C2CD3: variants seen among roughly 807,000 people sequenced by gnomAD.
The protein encoded by C2CD3 is C2 domain-containing protein 3.
Under a neutral mutation model 234.0 loss-of-function variants are expected in C2CD3, and 148 were observed. That is an observed-to-expected ratio of 0.63 (90% CI 0.55 to 0.72). C2CD3 has a LOEUF of 0.72. Ranked by LOEUF, C2CD3 falls within the 30% of genes least tolerant of loss-of-function variation. The pLI is 0.00. For synonymous variants in C2CD3, 1,000 were observed against 1,035.4 expected (o/e 0.97, Z 0.66); for missense variants, 2,577 against 2,811.5 (o/e 0.92, Z 1.89).
rs200529117 is a variant in C2CD3 at position 74,078,135 on chromosome 11, G to C, written c.4583C>G (p.Ala1528Gly). 1.1e-5 allele frequency: 18 copies of C among 1,613,552 alleles called. No homozygotes were observed. The East Asian group carries it at 4.0e-4, about 36-fold the overall frequency. The change falls in exon 23 of 33, where the codon GCG becomes GGG. Residue 1528 changes from alanine to glycine, a missense_variant. Coordinates refer to ENST00000334126, the MANE Select transcript of C2CD3 (RefSeq NM_001286577.2). ...VDLARLGERS[A>G]RTLTVSGVYP... ...CTTACCACTGACAGTTAGCGTCCTC[G>C]CTGACCTCTCCCCAAGTCTGGCCAG...
At position 74,012,867 on chromosome 11, in the gene C2CD3, G is replaced by A. The variant is rs1951744509; in HGVS notation, c.*518C>T. The A allele has an allele frequency of 6.6e-6, 1 of 152,156 alleles. No homozygotes were observed. Among genetic ancestry groups the A allele is most frequent in the Non-Finnish European group, 1.5e-5 (1 of 68,042 alleles). 9.4% of individuals were successfully genotyped at this position (152,156 alleles called of 1,614,324 possible). A position where few individuals can be genotyped will look rare whatever the true frequency, so the allele number is the denominator to read the frequency against. On this transcript the variant is annotated 3_prime_UTR_variant, in exon 33 of 33. Coordinates refer to ENST00000334126, the MANE Select transcript of C2CD3 (RefSeq NM_001286577.2). ...GTGATTTCCCCTTCCTCTCCTAATT[G>A]ATTAATTCAACACAGCATAAAAATA...
chr11:74,083,677 C>G (rs1333116140), intron 22 of C2CD3, among the ~76,000 whole-genome samples: 1 of 152,102 alleles, frequency 6.6e-6, no homozygotes, highest in East Asian at 1.9e-4. Context: ...ATGCAGCCAA[C>G]AGACACATGA....
intron 5 of C2CD3, among the ~76,000 whole-genome samples, chr11:74,134,010 C>T (rs1957773555): frequency 6.6e-6 from 1 of 152,120 alleles, no homozygotes; most frequent in Non-Finnish European, 1.5e-5. Flanking sequence ...ACTTTTCCGA[C>T]TTTCTGATAG....
At position 74,100,694 on chromosome 11, in the gene C2CD3, C is replaced by A. The variant is rs1388372180; in HGVS notation, c.2581-18G>T. On this transcript the variant is annotated intron_variant, in intron 14 of 32. Transcript: ENST00000334126. The stretch of plus-strand genomic sequence containing the variant: ...GGAATCACCTAAGAGAGAGGAACAA[C>A]CAAAACAAACAAAAAACTCATACCT... The A allele has an allele frequency of 6.3e-7, 1 of 1,584,398 alleles. No individual in the cohort carries two copies. The highest frequency in any genetic ancestry group is 1.9e-5 in the Admixed American group (1 of 51,316).
intron 10 of C2CD3, among the ~76,000 whole-genome samples, 185 bp downstream of exon 10, chr11:74,114,199 T>C (rs1170253850): frequency 2.0e-5 from 3 of 152,048 alleles, no homozygotes; most frequent in Non-Finnish European, 2.9e-5. Context: ...GTATCTTAAT[T>C]TTCTTTAGTC....
Position 74,071,976 on chromosome 11 carries a change from T to C in C2CD3, c.4951+2277A>G, listed in dbSNP as rs557577578. Among the ~76,000 whole-genome samples the C allele has an allele frequency of 8.5e-5, 13 of 152,248 alleles. No individual in the cohort carries two copies. The South Asian group carries it at 2.7e-3, about 32-fold the overall frequency. The stretch of plus-strand genomic sequence containing the variant: ...GGGAATTCTCCTAAAATGTAACATA[T>C]ACCATATCTTTTGTATATTAAATTT... On this transcript the variant is annotated intron_variant, in intron 24 of 32. Coordinates refer to ENST00000334126, the MANE Select transcript of C2CD3 (RefSeq NM_001286577.2).
At chr11:74,026,523 C>T (rs1448417707) in intron 32 of C2CD3, among the ~76,000 whole-genome samples, 2 of 152,020 alleles carry the variant, frequency 1.3e-5, no homozygotes, top group East Asian at 3.8e-4. Context: ...CTGTACTGAC[C>T]CCATTTTTCA....
At chr11:74,081,704 T>C (rs1354962416) in intron 22 of C2CD3, among the ~76,000 whole-genome samples, 6 of 152,230 alleles carry the variant, frequency 3.9e-5, no homozygotes, top group Non-Finnish European at 5.9e-5. Context: ...TTTGTTTTAT[T>C]ATAAGAACTT....
intron 22 of C2CD3, among the ~76,000 whole-genome samples, chr11:74,082,949 T>C (rs1955459053): frequency 6.6e-6 from 1 of 152,072 alleles, no homozygotes; most frequent in Admixed American, 6.6e-5. Context: ...TACTTTAAAG[T>C]TCATATGGAA....
chr11:74,115,243 C>T (rs1463096088), intron 9 of C2CD3, among the ~76,000 whole-genome samples: 2 of 151,508 alleles, frequency 1.3e-5, no homozygotes, highest in African/African-American at 4.9e-5. Context: ...CATATATATA[C>T]ACACACTTAT....
intron 31 of C2CD3, among the ~76,000 whole-genome samples, chr11:74,032,625 A>G (rs1952568634): frequency 6.6e-6 from 1 of 152,054 alleles, no homozygotes; most frequent in Admixed American, 6.6e-5. Context: ...TAACTGCAGC[A>G]TTTTGGGAGG....
At chr11:74,126,183 T>C (rs1768587385) in intron 7 of C2CD3, among the ~76,000 whole-genome samples, 1 of 152,226 alleles carries the variant, frequency 6.6e-6, no homozygotes, top group Admixed American at 6.5e-5. Flanking sequence ...ATAATTTTAC[T>C]TCAGAATCTT....
At chr11:74,048,783 T>C (rs1158309096) in intron 27 of C2CD3, among the ~76,000 whole-genome samples, 1 of 152,228 alleles carries the variant, frequency 6.6e-6, no homozygotes, top group Non-Finnish European at 1.5e-5. Flanking sequence ...TATTTATGGA[T>C]GACCACTCTG....
chr11:74,081,623 T>C (rs201758475), intron 22 of C2CD3, among the ~76,000 whole-genome samples: 44 of 144,160 alleles, frequency 3.1e-4, no homozygotes, highest in African/African-American at 9.6e-4. Flanking sequence ...ATCATCATCA[T>C]CACCATCATC....
intron 23 of C2CD3, among the ~76,000 whole-genome samples, chr11:74,077,825 A>G (rs12280394): frequency 1.2e-4 from 2 of 17,372 alleles, no homozygotes; most frequent in Admixed American, 6.1e-4. Flanking sequence ...ATATATATAT[A>G]TATATATATA....
At chr11:74,022,168 G>C (rs1052302253) in intron 32 of C2CD3, among the ~76,000 whole-genome samples, 1 of 152,116 alleles carries the variant, frequency 6.6e-6, no homozygotes, top group African/African-American at 2.4e-5. Context: ...GGGCTAGACA[G>C]GGCAGGGTGA....
chr11:74,043,754 G>A (rs1219853074), intron 28 of C2CD3, among the ~76,000 whole-genome samples: 1 of 150,932 alleles, frequency 6.6e-6, no homozygotes, highest in South Asian at 2.1e-4. Context: ...ATCTTTTTTT[G>A]AAGAAATGTC....
intron 7 of C2CD3, chr11:74,129,667 C>T (rs1330830462): frequency 6.5e-5 from 11 of 169,762 alleles, no homozygotes; most frequent in African/African-American, 1.3e-4. Flanking sequence ...ACTTCCCAGA[C>T]GGGGTGGCGG....
At chr11:74,091,011 A>G (rs1955871711) in intron 19 of C2CD3, 75 bp from the exon 20 acceptor site, 9 of 1,530,468 alleles carry the variant, frequency 5.9e-6, no homozygotes, top group Non-Finnish European at 8.0e-6. Flanking sequence ...AGTTTTGGTC[A>G]GGAAGGATGG....
Sources: allele counts gnomAD v4.1 joint callset (sites outside exome capture counted in the v4.1 genomes callset), GRCh38; gene constraint gnomAD v4.1.1; transcripts MANE v1.5; gene names NCBI Gene and HGNC (gene_info 2026-07-23, HGNC 2026-07-21).